The following HPSE2 variants were observed in gnomAD, a reference collection of about 807,000 sequenced individuals.
HPSE2 encodes the protein inactive heparanase-2.
HPSE2 carries 38 observed loss-of-function variants against 60.5 expected under a neutral mutation model. That is an observed-to-expected ratio of 0.63 (90% CI 0.48 to 0.82). The LOEUF (loss-of-function observed/expected upper bound fraction) is 0.82. Ranked by LOEUF, HPSE2 falls within the 40% of genes least tolerant of loss-of-function variation. HPSE2 has a pLI of 0.00. For synonymous variants in HPSE2, 295 were observed against 293.2 expected, an observed-to-expected ratio of 1.01 and a Z score of -0.06; for missense variants, 713 against 740.4, an observed-to-expected ratio of 0.96 and a Z score of 0.43.
At chr10:98,800,502 A>G (rs1950881492) in intron 3 of HPSE2, among the ~76,000 whole-genome samples, 1 of 148,308 alleles carries the variant, frequency 6.7e-6, no homozygotes, top group Non-Finnish European at 1.5e-5. Context: ...ATATAAATAT[A>G]ACATATATAA....
chr10:99,015,799 C>T (rs1957127262), intron 3 of HPSE2, among the ~76,000 whole-genome samples: 1 of 151,934 alleles, frequency 6.6e-6, no homozygotes, highest in Admixed American at 6.6e-5. Context: ...GCACATGTAC[C>T]CTAAAACTTA....
intron 9 of HPSE2, among the ~76,000 whole-genome samples, chr10:98,592,775 G>A (rs924992964): frequency 5.9e-5 from 9 of 152,076 alleles, no homozygotes; most frequent in Non-Finnish European, 1.3e-4. Flanking sequence ...TCCTTCTTGC[G>A]TTTTATTTGA....
chr10:98,594,595 C>G (rs568759773), intron 9 of HPSE2, among the ~76,000 whole-genome samples: 1 of 152,036 alleles, frequency 6.6e-6, no homozygotes, highest in Non-Finnish European at 1.5e-5. Context: ...CCATAATGTC[C>G]TCCTCCAAGT....
intron 6 of HPSE2, among the ~76,000 whole-genome samples, chr10:98,651,780 T>C (rs1199634400): frequency 5.3e-5 from 8 of 151,872 alleles, no homozygotes; most frequent in Admixed American, 5.3e-4. Flanking sequence ...TTCCTTTTTT[T>C]TTTTTTTCTT....
chr10:99,135,824 A>G (rs1845626092), intron 3 of HPSE2, among the ~76,000 whole-genome samples: 1 of 152,142 alleles, frequency 6.6e-6, no homozygotes, highest in African/African-American at 2.4e-5. Context: ...ATCAAAATTA[A>G]AAGAATTAGA....
chr10:98,997,194 C>T (rs1027650705), intron 3 of HPSE2, among the ~76,000 whole-genome samples: 1 of 146,942 alleles, frequency 6.8e-6, no homozygotes, highest in Admixed American at 6.9e-5. Flanking sequence ...CTCACTGCAA[C>T]CTCCGCCTCC....
intron 2 of HPSE2, among the ~76,000 whole-genome samples, chr10:99,217,538 C>T (rs923212192): frequency 6.6e-6 from 1 of 151,944 alleles, no homozygotes; most frequent in African/African-American, 2.4e-5. Context: ...AATGCCTATG[C>T]TCCACCCTAG....
intron 5 of HPSE2, among the ~76,000 whole-genome samples, chr10:98,694,844 A>C (rs543789351): frequency 2.8e-4 from 42 of 152,364 alleles, no homozygotes; most frequent in African/African-American, 9.1e-4. Context: ...GGAAACCAAA[A>C]GGAGTATCTC....
intron 10 of HPSE2, among the ~76,000 whole-genome samples, chr10:98,489,562 G>A (rs1247918053): frequency 6.6e-6 from 1 of 152,228 alleles, no homozygotes; most frequent in African/African-American, 2.4e-5. Flanking sequence ...CACTCCTTTA[G>A]TTCTGGGGAC....
At chr10:99,223,167 T>G (rs1354004013) in intron 2 of HPSE2, among the ~76,000 whole-genome samples, 1 of 152,146 alleles carries the variant, frequency 6.6e-6, no homozygotes, top group African/African-American at 2.4e-5. Flanking sequence ...CTGGGTAGTC[T>G]TGGGCAAATT....
chr10:99,031,172 C>A (rs1957489505), intron 3 of HPSE2, among the ~76,000 whole-genome samples: 1 of 152,094 alleles, frequency 6.6e-6, no homozygotes, highest in Admixed American at 6.6e-5. Flanking sequence ...AGGCTGAATG[C>A]TTGAGGGGAC....
chr10:98,664,475 A>T (rs1411423244), intron 6 of HPSE2, among the ~76,000 whole-genome samples: 1 of 152,134 alleles, frequency 6.6e-6, no homozygotes, highest in Admixed American at 6.5e-5. Context: ...TGGCAAAGGA[A>T]ACGTGGGCAC....
chr10:98,596,821 A>G (rs12265458), intron 9 of HPSE2, among the ~76,000 whole-genome samples: 16,666 of 152,058 alleles, frequency 0.11, 1,580 homozygotes, highest in African/African-American at 0.27. Context: ...ATTATAATAT[A>G]TCTTAGTGTA....
chr10:98,531,115 A>C (rs1287062769), intron 9 of HPSE2, among the ~76,000 whole-genome samples: 5 of 152,220 alleles, frequency 3.3e-5, no homozygotes, highest in Non-Finnish European at 7.3e-5. Flanking sequence ...TTTATGCCCC[A>C]GTGGCAAAGA....
chr10:98,551,603 C>T (rs1442648039), intron 9 of HPSE2, among the ~76,000 whole-genome samples: 3 of 152,190 alleles, frequency 2.0e-5, no homozygotes, highest in Non-Finnish European at 2.9e-5. Context: ...ATGACTGGGG[C>T]TCATTCATCC....
chr10:99,218,515 G>A (rs1849209998), intron 2 of HPSE2, among the ~76,000 whole-genome samples: 1 of 151,996 alleles, frequency 6.6e-6, no homozygotes, highest in Admixed American at 6.5e-5. Context: ...CTTAAAACCT[G>A]TGGTTATAAC....
At chr10:99,224,722 T>C (rs1008845316) in intron 2 of HPSE2, among the ~76,000 whole-genome samples, 11 of 152,098 alleles carry the variant, frequency 7.2e-5, no homozygotes, top group African/African-American at 2.7e-4. Flanking sequence ...TTTAAATGAA[T>C]TTGGCAGATG....
At chr10:98,696,011 C>T (rs760250481) in intron 5 of HPSE2, among the ~76,000 whole-genome samples, 21 of 152,086 alleles carry the variant, frequency 1.4e-4, no homozygotes, top group Non-Finnish European at 2.4e-4. Flanking sequence ...ATCTATGCCA[C>T]TCTAAGCAGG....
chr10:98,466,605 C>T (rs1197213217), intron 11 of HPSE2, among the ~76,000 whole-genome samples: 17 of 142,974 alleles, frequency 1.2e-4, no homozygotes, highest in Middle Eastern at 7.1e-3. Flanking sequence ...AGTGAGACTC[C>T]GTCTCAAAAA....
Sources: gnomAD v4.1 joint callset for allele counts (sites outside exome capture counted in the v4.1 genomes callset) on GRCh38, gnomAD v4.1.1 for gene constraint, MANE v1.5 for transcripts, NCBI Gene and HGNC (gene_info 2026-07-23, HGNC 2026-07-21) for gene names.